Variants in LRRC4C observed in about 807,000 individuals in gnomAD.
The protein encoded by LRRC4C is leucine rich repeat containing 4C, also known as leucine-rich repeat-containing protein 4C.
LRRC4C carries 5 observed loss-of-function variants against 33.6 expected under a neutral mutation model. The ratio of observed to expected loss-of-function variants is 0.15; its 90% CI spans 0.08 to 0.31. The LOEUF (loss-of-function observed/expected upper bound fraction) is 0.31. Among genes scored for constraint, LRRC4C ranks in the 10% least tolerant of loss-of-function variants. The probability of loss-of-function intolerance (pLI) is 1.00; values close to 1 mark genes in which losing one functional copy is unlikely to be tolerated. For synonymous variants in LRRC4C, 329 were observed against 302.0 expected (o/e 1.09, Z -0.93); for missense variants, 560 against 796.7 (o/e 0.70, Z 3.58).
In LRRC4C at chr11:41,107,417, T is replaced by A. The variant is rs142625426; in HGVS notation, c.-495-173694A>T. On this transcript the variant is annotated intron_variant, in intron 1 of 6. Coordinates refer to ENST00000528697, the MANE Select transcript of LRRC4C (RefSeq NM_001258419.2). ...GATAAAACATGTAGCTATAATAATATATCCTGAAATATAATTTTTCATAGC... is the reference window on the plus strand; with the variant it reads ...GATAAAACATGTAGCTATAATAATAAATCCTGAAATATAATTTTTCATAGC... Among the ~76,000 whole-genome samples the A allele has an allele frequency of 1.4e-3, 215 of 152,230 alleles. 1 individual carries two copies. The highest frequency in any genetic ancestry group is 4.8e-3 in the African/African-American group (200 of 41,552).
chr11:41,162,646 C>G (rs551375344), intron 1 of LRRC4C, among the ~76,000 whole-genome samples: 147 of 152,066 alleles, frequency 9.7e-4, no homozygotes, highest in African/African-American at 3.4e-3. Context: ...TATTTGTGTA[C>G]CTAAAAATAT....
intron 2 of LRRC4C, among the ~76,000 whole-genome samples, chr11:40,851,269 G>A (rs1379029733): frequency 1.3e-5 from 2 of 152,112 alleles, no homozygotes; most frequent in Non-Finnish European, 2.9e-5. Context: ...TGTGGTGTAG[G>A]CACCTGAGGG....
intron 1 of LRRC4C, among the ~76,000 whole-genome samples, chr11:41,224,631 A>G (rs1019750527): frequency 6.6e-6 from 1 of 152,202 alleles, no homozygotes; most frequent in Non-Finnish European, 1.5e-5. Context: ...TTTAATTCAG[A>G]CATGAATTTG....
At chr11:40,143,601 C>T (rs576355837) in intron 5 of LRRC4C, among the ~76,000 whole-genome samples, 1 of 152,234 alleles carries the variant, frequency 6.6e-6, no homozygotes, top group South Asian at 2.1e-4. Flanking sequence ...ACAGTGCCAC[C>T]TTTCATGCAA....
At chr11:40,997,807 G>C (rs545980956) in intron 1 of LRRC4C, among the ~76,000 whole-genome samples, 1 of 152,200 alleles carries the variant, frequency 6.6e-6, no homozygotes, top group Admixed American at 6.5e-5. Flanking sequence ...GATTTACTAA[G>C]ATGTGTTGTG....
chr11:41,265,486 T>C (rs1949119848), intron 1 of LRRC4C, among the ~76,000 whole-genome samples: 1 of 152,070 alleles, frequency 6.6e-6, no homozygotes, highest in Admixed American at 6.6e-5. Flanking sequence ...AAACAGTCCT[T>C]GTGTAAATTA....
chr11:40,751,386 A>T (rs1166195325), intron 2 of LRRC4C, among the ~76,000 whole-genome samples: 1 of 152,030 alleles, frequency 6.6e-6, no homozygotes, highest in Non-Finnish European at 1.5e-5. Context: ...CCACCAAAAA[A>T]CTCTTATAGC....
rs1591012245 is a variant in LRRC4C at position 41,232,523 on chromosome 11, T to A, written c.-496+226908A>T. Among the ~76,000 whole-genome samples, 3 of 152,170 alleles carry A rather than the reference T, an allele frequency of 2.0e-5. No individual in the cohort carries two copies. In the South Asian group the frequency reaches 6.2e-4, roughly 32 times the overall value. On this transcript the variant is annotated intron_variant, in intron 1 of 6. Transcript: ENST00000528697. The stretch of plus-strand genomic sequence containing the variant: ...AAATTAGGAACCATATTTCAAAAGT[T>A]CTGTGTTCAAACTCACAGCCTACAT...
Position 40,525,307 on chromosome 11 carries a change from G to A in LRRC4C, c.-270+122835C>T, listed in dbSNP as rs578031510. 2.0e-5 allele frequency among the ~76,000 whole-genome samples: 3 copies of A among 152,222 alleles called. No individual in the cohort carries two copies. The South Asian group carries it at 6.2e-4, about 32-fold the overall frequency. ...TAAAAATGAAAAAAATTAGTCAGGT[G>A]TGGTGCCACACGCCTGTAGTCCCAG... On this transcript the variant is annotated intron_variant, in intron 3 of 6. Coordinates refer to ENST00000528697, the MANE Select transcript of LRRC4C (RefSeq NM_001258419.2).
At chr11:40,966,729 T>C (rs1592211955) in intron 1 of LRRC4C, among the ~76,000 whole-genome samples, 1 of 152,050 alleles carries the variant, frequency 6.6e-6, no homozygotes, top group East Asian at 1.9e-4. Flanking sequence ...ATGTTGTCCC[T>C]TAGAAACCTC....
At chr11:40,846,833 A>T (rs1953201044) in intron 2 of LRRC4C, among the ~76,000 whole-genome samples, 1 of 151,988 alleles carries the variant, frequency 6.6e-6, no homozygotes. Flanking sequence ...TCTTATTTCC[A>T]TGAGCAGTGG....
At chr11:41,336,785 C>T (rs74702897) in intron 1 of LRRC4C, among the ~76,000 whole-genome samples, 1 of 152,112 alleles carries the variant, frequency 6.6e-6, no homozygotes, top group African/African-American at 2.4e-5. Context: ...GTGCTGGCAC[C>T]AACCCCAAAT....
intron 3 of LRRC4C, among the ~76,000 whole-genome samples, chr11:40,425,771 C>G (rs879852304): frequency 2.2e-4 from 33 of 152,212 alleles, no homozygotes; most frequent in Admixed American, 1.4e-3. Flanking sequence ...TGTCTAAACT[C>G]TTTCTCATGT....
chr11:40,363,909 A>C (rs904289381), intron 3 of LRRC4C, among the ~76,000 whole-genome samples: 3 of 152,170 alleles, frequency 2.0e-5, no homozygotes, highest in Admixed American at 6.6e-5. Flanking sequence ...ATGACTTGCC[A>C]TTGCTGTGCT....
At chr11:40,581,613 A>G (rs1958468298) in intron 3 of LRRC4C, among the ~76,000 whole-genome samples, 1 of 152,228 alleles carries the variant, frequency 6.6e-6, no homozygotes. Context: ...CTTAAATAAA[A>G]AAAGAATAGG....
At chr11:40,531,216 G>A (rs1207880602) in intron 3 of LRRC4C, among the ~76,000 whole-genome samples, 4 of 152,028 alleles carry the variant, frequency 2.6e-5, no homozygotes, top group East Asian at 1.9e-4. Context: ...CTACCCCCAC[G>A]CTTGTATAGC....
At chr11:40,265,469 A>T (rs941114179) in intron 4 of LRRC4C, among the ~76,000 whole-genome samples, 4 of 152,216 alleles carry the variant, frequency 2.6e-5, no homozygotes, top group African/African-American at 9.6e-5. Flanking sequence ...TCCATAGTCT[A>T]AATATTCCAT....
chr11:40,509,076 C>A (rs763606655), intron 3 of LRRC4C, among the ~76,000 whole-genome samples: 1 of 152,084 alleles, frequency 6.6e-6, no homozygotes, highest in Non-Finnish European at 1.5e-5. Flanking sequence ...CCTTTCTGAT[C>A]ACATATATCA....
At chr11:41,173,182 G>C (rs2136106523) in intron 1 of LRRC4C, among the ~76,000 whole-genome samples, 1 of 152,224 alleles carries the variant, frequency 6.6e-6, no homozygotes, top group South Asian at 2.1e-4. Context: ...CCTTATATGA[G>C]ATGTGTTGTA....
Sources: gnomAD v4.1 joint callset for allele counts (sites outside exome capture counted in the v4.1 genomes callset) on GRCh38, gnomAD v4.1.1 for gene constraint, MANE v1.5 for transcripts, NCBI Gene and HGNC (gene_info 2026-07-23, HGNC 2026-07-21) for gene names.